The following MKRN2OS variants were observed in gnomAD, a reference collection of about 807,000 sequenced individuals.
MKRN2OS encodes MKRN2 opposite strand protein.
MKRN2OS carries 17 observed loss-of-function variants against 18.2 expected under a neutral mutation model. That is an observed-to-expected ratio of 0.93 (90% CI 0.64 to 1.40). The LOEUF (loss-of-function observed/expected upper bound fraction) is 1.40. MKRN2OS is among the 40% of genes most tolerant of loss of function. The pLI is 0.00. For missense variants in MKRN2OS, 337 were observed against 283.0 expected (o/e 1.19, Z -1.37); for synonymous variants, 121 against 108.5 (o/e 1.12, Z -0.72).
Position 12,545,383 on chromosome 3 carries a change from A to G in MKRN2OS, c.82T>C (p.Cys28Arg), listed in dbSNP as rs1486283413. Residue 28 changes from cysteine to arginine, a missense_variant, in exon 1 of 4, where the codon TGC (cysteine) becomes CGC (arginine). Cys to Arg is a radical substitution (Grantham distance 180). Coordinates refer to ENST00000564146, the MANE Select transcript of MKRN2OS (RefSeq NM_001195279.2). ...KYIYSFSVPQ[C>R]CPLCQQDLGS... ...AGGTCCTGCTGGCAGAGAGGGCAGCACTGGGGCACACTGAAGCTGTAGATG... is the reference window on the plus strand; with the variant it reads ...AGGTCCTGCTGGCAGAGAGGGCAGCGCTGGGGCACACTGAAGCTGTAGATG... 3.3e-6 allele frequency: 5 copies of G among 1,536,052 alleles called. 1 individual carries two copies. The East Asian group carries it at 1.2e-4, about 38-fold the overall frequency.
At chr3:12,542,146 T>C in intron 2 of MKRN2OS, 124 bp from the exon 3 acceptor site, 1 of 970,318 alleles carries the variant, frequency 1.0e-6, no homozygotes, top group Non-Finnish European at 1.5e-6. Context: ...GGGTGGAGGT[T>C]CTAGAATCTT....
chr3:12,540,163 T>G lies in MKRN2OS; in HGVS notation c.*30A>C, dbSNP rs890058539. ...ATTAAAGGTAGCAACCACCCTACCC[T>G]CCAGCGTCCAGGCTGCGCTTACATA... is the stretch of plus-strand genomic sequence containing the variant. On this transcript the variant is annotated 3_prime_UTR_variant, in exon 4 of 4. Transcript: ENST00000564146. The G allele has an allele frequency of 1.3e-6, 2 of 1,535,766 alleles. No homozygotes were observed. The highest frequency in any genetic ancestry group is 1.4e-5 in the African/African-American group (1 of 73,034).
chr3:12,546,265 T>C (rs551582583), upstream of MKRN2OS, among the ~76,000 whole-genome samples: 1 of 152,304 alleles, frequency 6.6e-6, no homozygotes, highest in East Asian at 1.9e-4. Context: ...AAAGTAATTT[T>C]GCTTATAAAA....
At chr3:12,550,715 CA>C (rs2057923469), downstream of MKRN2OS, among the ~76,000 whole-genome samples, 1 of 152,188 alleles carries the variant, frequency 6.6e-6, no homozygotes, top group Admixed American at 6.5e-5. Flanking sequence ...TTATGCCCCT[CA>C]GTCGAATTCT....
chr3:12,554,271 C>T (rs1288203157), intron 1 of MKRN2OS: 1 of 152,054 alleles, frequency 6.6e-6, no homozygotes, highest in Non-Finnish European at 1.5e-5. Context: ...GTTCCACGTC[C>T]CGGGTGGGGC....
chr3:12,547,342 A>T (rs2454441), upstream of MKRN2OS, among the ~76,000 whole-genome samples: 1 of 151,694 alleles, frequency 6.6e-6, no homozygotes, highest in South Asian at 2.1e-4. Flanking sequence ...CCAGGAGTTC[A>T]AGACCAGCCT....
rs138859433 is a variant in MKRN2OS at position 12,540,091 on chromosome 3, C to G, written c.*102G>C. The stretch of plus-strand genomic sequence containing the variant: ...TGAGCCACCATGCCCGGCCCATACA[C>G]GCTTTTATTAACCACAGTTAAATGC... On this transcript the variant is annotated 3_prime_UTR_variant, in exon 4 of 4. Transcript: ENST00000564146. 7.4e-6 allele frequency: 11 copies of G among 1,480,420 alleles called. No homozygotes were observed. In the South Asian group the frequency reaches 7.6e-5, roughly 10 times the overall value. 91.7% of individuals were successfully genotyped at this position (1,480,420 alleles called of 1,614,324 possible).
rs1410302123 is a variant in MKRN2OS, at chr3:12,545,330, A to G, written c.135T>C (p.Pro45=). 6.5e-7 allele frequency: 1 copy of G among 1,536,150 alleles called. No individual in the cohort carries two copies. The highest frequency in any genetic ancestry group is 1.2e-5 in the South Asian group (1 of 84,064). ...DLGSRKLEDA[P]VSIANPFTNG... ...TAGTAAATGGATTAGCGATGCTAAC[A>G]GGTGCGTCCTCCAGCTTCCTCGAGC... is the stretch of plus-strand genomic sequence containing the variant. The change falls in exon 1 of 4, where the codon CCT becomes CCC. Residue 45 remains proline (P), a synonymous_variant. Coordinates refer to ENST00000564146, the MANE Select transcript of MKRN2OS (RefSeq NM_001195279.2).
At chr3:12,550,522 G>A (rs1012937925), downstream of MKRN2OS, among the ~76,000 whole-genome samples, 6 of 152,154 alleles carry the variant, frequency 3.9e-5, no homozygotes, top group African/African-American at 1.4e-4. Context: ...GAGTAAGCCT[G>A]GGCAAAATAG....
At chr3:12,552,805 T>A (rs2057939308), downstream of MKRN2OS, among the ~76,000 whole-genome samples, 1 of 151,932 alleles carries the variant, frequency 6.6e-6, no homozygotes, top group Non-Finnish European at 1.5e-5. Flanking sequence ...AGCAAATTTC[T>A]TGAGCTCAGG....
chr3:12,541,728 A>T, intron 3 of MKRN2OS, 132 bp downstream of exon 3: 1 of 966,118 alleles, frequency 1.0e-6, no homozygotes, highest in Non-Finnish European at 1.5e-6. Context: ...TCTGTTAGAG[A>T]TGCTAATATG....
downstream of MKRN2OS, among the ~76,000 whole-genome samples, chr3:12,553,016 CAAAAAA>C (rs371579378): frequency 6.9e-5 from 7 of 102,022 alleles, no homozygotes; most frequent in African/African-American, 2.5e-4. Context: ...ACCCGGTCTC[CAAAAAA>C]AAAAAAAAAA....
chr3:12,553,532 AT>A (rs1338202824), downstream of MKRN2OS, among the ~76,000 whole-genome samples: 2 of 152,110 alleles, frequency 1.3e-5, no homozygotes, highest in African/African-American at 4.8e-5. Context: ...GCCTAAAAAA[AT>A]CTAGGGCTAA....
upstream of MKRN2OS, among the ~76,000 whole-genome samples, chr3:12,545,799 C>T (rs573464730): frequency 2.2e-4 from 34 of 152,226 alleles, no homozygotes; most frequent in South Asian, 6.4e-3. Context: ...TTCATATTTC[C>T]GTCAGAACTC....
upstream of MKRN2OS, among the ~76,000 whole-genome samples, chr3:12,548,547 G>A (rs1034139789): frequency 2.7e-5 from 4 of 149,014 alleles, no homozygotes; most frequent in African/African-American, 7.3e-5. Context: ...CAGGAGAATC[G>A]CTTGAACCCA....
intron 1 of MKRN2OS, among the ~76,000 whole-genome samples, chr3:12,543,774 C>T (rs1001272821): frequency 5.9e-5 from 9 of 151,706 alleles, no homozygotes; most frequent in African/African-American, 2.2e-4. Flanking sequence ...CACCTGTAAT[C>T]CCAGCTACTC....
At position 12,540,451 on chromosome 3, in the gene MKRN2OS, G is replaced by A; in HGVS notation, c.432-18C>T. On this transcript the variant is annotated intron_variant, in intron 3 of 3. Coordinates refer to ENST00000564146, the MANE Select transcript of MKRN2OS (RefSeq NM_001195279.2). The stretch of plus-strand genomic sequence containing the variant: ...CTTCATACCTTATGGAGGAGAATAA[G>A]GGTGTTGAGAAGAAAAGGCTGCTCA... 6.5e-7 allele frequency: 1 copy of A among 1,536,004 alleles called. No individual in the cohort carries two copies. The highest frequency in any genetic ancestry group is 8.7e-7 in the Non-Finnish European group (1 of 1,146,804).
chr3:12,545,323 T>G lies in MKRN2OS; in HGVS notation c.142A>C (p.Ile48Leu). The G allele has an allele frequency of 1.3e-6, 2 of 1,536,164 alleles. No individual in the cohort carries two copies. Among genetic ancestry groups the G allele is most frequent in the Non-Finnish European group, 1.7e-6 (2 of 1,146,920 alleles). Residue 48 changes from isoleucine to leucine, a missense_variant, in exon 1 of 4, where the codon ATC becomes CTC. Coordinates refer to ENST00000564146, the MANE Select transcript of MKRN2OS (RefSeq NM_001195279.2). ...TGTCCATTAGTAAATGGATTAGCGA[T>G]GCTAACAGGTGCGTCCTCCAGCTTC... is the stretch of plus-strand genomic sequence containing the variant. The part of the protein sequence containing the change: ...SRKLEDAPVS[I>L]ANPFTNGHQE...
intron 3 of MKRN2OS, 118 bp downstream of exon 3, chr3:12,541,740 CTG>C (rs1474828276): frequency 2.7e-5 from 29 of 1,061,382 alleles, no homozygotes; most frequent in Non-Finnish European, 2.8e-5. Context: ...GCTAATATGT[CTG>C]TATCGGCTCA....
Sources: gnomAD v4.1 joint callset for allele counts (sites outside exome capture counted in the v4.1 genomes callset) on GRCh38, gnomAD v4.1.1 for gene constraint, MANE v1.5 for transcripts, NCBI Gene and HGNC (gene_info 2026-07-23, HGNC 2026-07-21) for gene names.